Variants in TGFBR3 observed in about 807,000 individuals in gnomAD.
TGFBR3 encodes transforming growth factor beta receptor type 3.
A neutral mutation model predicts 87.9 loss-of-function variants in TGFBR3; 46 were observed. The observed-to-expected ratio is 0.52, with a 90% CI of 0.41 to 0.67. The LOEUF is 0.67. Among genes scored for constraint, TGFBR3 ranks in the 30% least tolerant of loss-of-function variants. The pLI, the probability that TGFBR3 is intolerant of heterozygous loss-of-function variation, is 0.00. For synonymous variants in TGFBR3, 381 were observed against 391.6 expected, an observed-to-expected ratio of 0.97 and a Z score of 0.32; for missense variants, 866 against 1,041.9, an observed-to-expected ratio of 0.83 and a Z score of 2.32.
At chr1:91,720,417 C>T (rs1475211632) in intron 8 of TGFBR3, among the ~76,000 whole-genome samples, 187 bp from the exon 9 acceptor site, 1 of 152,228 alleles carries the variant, frequency 6.6e-6, no homozygotes, top group Non-Finnish European at 1.5e-5. Context: ...CTCTAACTAG[C>T]TCAGTGGCTT....
chr1:91,688,363 G>C (rs930900884), intron 16 of TGFBR3, among the ~76,000 whole-genome samples: 1 of 152,160 alleles, frequency 6.6e-6, no homozygotes, highest in Non-Finnish European at 1.5e-5. Context: ...TCAGGTGGAG[G>C]AGGAAGGCTG....
intron 6 of TGFBR3, 124 bp from the exon 7 acceptor site, chr1:91,727,930 C>A: frequency 8.7e-7 from 1 of 1,143,502 alleles, no homozygotes; most frequent in East Asian, 2.5e-5. Flanking sequence ...GAGTTGATCC[C>A]AGGCCAATGA....
Position 91,716,659 on chromosome 1 carries a change from C to A in TGFBR3, c.1616G>T (p.Gly539Val), listed in dbSNP as rs748868835. 1 of 1,614,126 alleles carries A rather than the reference C, an allele frequency of 6.2e-7. No homozygotes were observed. The highest frequency in any genetic ancestry group is 1.7e-5 in the Admixed American group (1 of 60,028). ...ATCACCTGACTCCAGATCTTCATAACCATCTGGCCAACCACTACTGTCCCC... is the reference window on the plus strand; with the variant it reads ...ATCACCTGACTCCAGATCTTCATAAACATCTGGCCAACCACTACTGTCCCC... ...ALGDSSGWPDGYEDLESGDNG... is the reference protein window; with the variant it reads ...ALGDSSGWPDVYEDLESGDNG... Residue 539 changes from glycine to valine, a missense_variant, in exon 11 of 17, where the codon GGT becomes GTT. Transcript: ENST00000212355.
At chr1:91,871,447 C>T (rs1364701974) in intron 1 of TGFBR3, among the ~76,000 whole-genome samples, 1 of 152,194 alleles carries the variant, frequency 6.6e-6, no homozygotes, top group Non-Finnish European at 1.5e-5. Context: ...ATTAAACACA[C>T]TCCTGTTTTC....
intron 13 of TGFBR3, among the ~76,000 whole-genome samples, chr1:91,710,754 G>A (rs1249920648): frequency 2.0e-5 from 3 of 152,144 alleles, no homozygotes; most frequent in Admixed American, 2.0e-4. Context: ...CAGTATATGA[G>A]GAAATACAGG....
At chr1:91,862,171 A>C (rs912283746) in intron 1 of TGFBR3, 1 of 152,714 alleles carries the variant, frequency 6.5e-6, no homozygotes, top group African/African-American at 2.4e-5. Context: ...TGACATTTTA[A>C]ATCTTTGGTT....
chr1:91,791,802 C>A (rs2100992863), intron 3 of TGFBR3, among the ~76,000 whole-genome samples: 1 of 152,330 alleles, frequency 6.6e-6, no homozygotes, highest in East Asian at 1.9e-4. Context: ...CAGTGACCAC[C>A]AAGCCTCCCT....
At chr1:91,886,323 C>T (rs995504786), upstream of TGFBR3, 16 of 384,590 alleles carry the variant, frequency 4.2e-5, no homozygotes, top group South Asian at 2.9e-4. Flanking sequence ...CTCCCGCCTC[C>T]TCTCTCCTCC....
chr1:91,788,081 T>A (rs76502372), intron 3 of TGFBR3, among the ~76,000 whole-genome samples: 2 of 152,096 alleles, frequency 1.3e-5, no homozygotes, highest in African/African-American at 2.4e-5. Context: ...GGAGGCTTCA[T>A]AAGCTGGGGA....
chr1:91,711,575 G>A (rs1449976177), intron 13 of TGFBR3, among the ~76,000 whole-genome samples: 1 of 152,148 alleles, frequency 6.6e-6, no homozygotes, highest in Admixed American at 6.5e-5. Flanking sequence ...CATAATTATG[G>A]CAGATCACAG....
At chr1:91,804,396 G>A (rs1675757934) in intron 2 of TGFBR3, among the ~76,000 whole-genome samples, 1 of 152,138 alleles carries the variant, frequency 6.6e-6, no homozygotes, top group African/African-American at 2.4e-5. Context: ...CACAGCCCCA[G>A]CCTCATCCTG....
chr1:91,699,163 T>C (rs1223233704), intron 14 of TGFBR3, among the ~76,000 whole-genome samples: 2 of 152,184 alleles, frequency 1.3e-5, no homozygotes, highest in Admixed American at 6.5e-5. Context: ...CCTTCACCCA[T>C]GGTGGGCTCC....
chr1:91,803,710 T>C (rs1326126972), intron 2 of TGFBR3, among the ~76,000 whole-genome samples: 2 of 152,112 alleles, frequency 1.3e-5, no homozygotes, highest in Non-Finnish European at 2.9e-5. Flanking sequence ...AATAGCAAGG[T>C]TTCCTCCAGG....
rs1330638227 is a variant in TGFBR3, at chr1:91,777,564, C to A, written c.247-18814G>T. On this transcript the variant is annotated intron_variant, in intron 3 of 16. Coordinates refer to ENST00000212355, the MANE Select transcript of TGFBR3 (RefSeq NM_003243.5). Reference sequence around the variant, plus strand: ...CCTGGCTCCAATTATTCCAGCAATGCCTTCCCCCAGCCCCAGCCCCAACCC... The same window carrying A: ...CCTGGCTCCAATTATTCCAGCAATGACTTCCCCCAGCCCCAGCCCCAACCC... 2.6e-5 allele frequency among the ~76,000 whole-genome samples: 4 copies of A among 151,728 alleles called. 1 individual carries two copies. In the Middle Eastern group the frequency reaches 0.01, roughly 390 times the overall value.
At chr1:91,809,562 C>A (rs927679235) in intron 2 of TGFBR3, among the ~76,000 whole-genome samples, 1 of 152,184 alleles carries the variant, frequency 6.6e-6, no homozygotes, top group African/African-American at 2.4e-5. Flanking sequence ...GGAAAATCTG[C>A]AAACTTTTGG....
intron 2 of TGFBR3, among the ~76,000 whole-genome samples, chr1:91,844,781 A>T (rs949817894): frequency 1.3e-5 from 2 of 152,242 alleles, no homozygotes; most frequent in African/African-American, 4.8e-5. Context: ...CCAAAATAAA[A>T]GCATAATGAG....
intron 1 of TGFBR3, among the ~76,000 whole-genome samples, chr1:91,867,021 G>GT (rs1678415879): frequency 6.6e-6 from 1 of 152,232 alleles, no homozygotes; most frequent in Admixed American, 6.5e-5. Context: ...AAGGATGGAG[G>GT]TTTAGATCAG....
At chr1:91,789,067 G>T (rs1399998375) in intron 3 of TGFBR3, among the ~76,000 whole-genome samples, 1 of 152,216 alleles carries the variant, frequency 6.6e-6, no homozygotes, top group African/African-American at 2.4e-5. Flanking sequence ...GGAAGCCGAG[G>T]CTGACGGATC....
chr1:91,764,208 G>C (rs1338914442), intron 3 of TGFBR3, among the ~76,000 whole-genome samples: 1 of 151,090 alleles, frequency 6.6e-6, no homozygotes, highest in Non-Finnish European at 1.5e-5. Context: ...AGTGCTGAGA[G>C]GGGCACTGTC....
Sources: allele counts gnomAD v4.1 joint callset (sites outside exome capture counted in the v4.1 genomes callset), GRCh38; gene constraint gnomAD v4.1.1; transcripts MANE v1.5; gene names NCBI Gene and HGNC (gene_info 2026-07-23, HGNC 2026-07-21).